Variants in NKAIN2 observed in about 807,000 individuals in gnomAD.
NKAIN2 encodes sodium/potassium transporting ATPase interacting 2, also known as sodium/potassium-transporting ATPase subunit beta-1-interacting protein 2.
Under a neutral mutation model 32.6 loss-of-function variants are expected in NKAIN2, and 14 were observed. The ratio of observed to expected loss-of-function variants is 0.43; its 90% confidence interval spans 0.28 to 0.67. NKAIN2 has a LOEUF of 0.67. Ranked by LOEUF, NKAIN2 falls within the 30% of genes least tolerant of loss-of-function variation. The pLI, the probability that NKAIN2 is intolerant of heterozygous loss-of-function variation, is 0.17. For missense variants in NKAIN2, 198 were observed against 258.3 expected, an observed-to-expected ratio of 0.77 and a Z score of 1.60; for synonymous variants, 80 against 87.2, an observed-to-expected ratio of 0.92 and a Z score of 0.46.
At chr6:124,708,711 T>C (rs1485072882) in intron 4 of NKAIN2, among the ~76,000 whole-genome samples, 1 of 152,126 alleles carries the variant, frequency 6.6e-6, no homozygotes, top group South Asian at 2.1e-4. Context: ...TTTGCTGAAG[T>C]TGCTTATCAG....
chr6:124,535,893 T>G (rs1779693303), intron 3 of NKAIN2, among the ~76,000 whole-genome samples: 1 of 152,184 alleles, frequency 6.6e-6, no homozygotes, highest in African/African-American at 2.4e-5. Context: ...ACTGCTTCCC[T>G]CAGGCGTGAA....
At chr6:123,939,918 C>T (rs1230352827) in intron 1 of NKAIN2, among the ~76,000 whole-genome samples, 1 of 151,896 alleles carries the variant, frequency 6.6e-6, no homozygotes, top group Non-Finnish European at 1.5e-5. Flanking sequence ...TTTTATTCAA[C>T]CATTTGCAAG....
At chr6:124,761,393 T>A (rs1778259833) in intron 4 of NKAIN2, among the ~76,000 whole-genome samples, 1 of 152,154 alleles carries the variant, frequency 6.6e-6, no homozygotes, top group Admixed American at 6.5e-5. Context: ...TCCTTTTAAC[T>A]TCTTATTATC....
intron 1 of NKAIN2, among the ~76,000 whole-genome samples, chr6:123,854,436 G>C (rs1464016954): frequency 6.6e-6 from 1 of 152,096 alleles, no homozygotes; most frequent in Non-Finnish European, 1.5e-5. Flanking sequence ...ATGTCACCAC[G>C]ATAATGTTTG....
At chr6:124,287,534 G>A (rs1326309948) in intron 2 of NKAIN2, among the ~76,000 whole-genome samples, 1 of 152,148 alleles carries the variant, frequency 6.6e-6, no homozygotes, top group African/African-American at 2.4e-5. Flanking sequence ...CTGTCACTTT[G>A]CAGAATATAG....
At chr6:124,201,812 A>G (rs898404631) in intron 1 of NKAIN2, among the ~76,000 whole-genome samples, 1 of 151,988 alleles carries the variant, frequency 6.6e-6, no homozygotes, top group Non-Finnish European at 1.5e-5. Context: ...TGATTATGAA[A>G]ATGTTCTCAC....
chr6:123,918,528 T>G (rs918929287), intron 1 of NKAIN2, among the ~76,000 whole-genome samples: 1 of 152,196 alleles, frequency 6.6e-6, no homozygotes, highest in Non-Finnish European at 1.5e-5. Context: ...TGGTGGCTAC[T>G]GTGTTGGTTA....
At chr6:124,111,711 G>A (rs1167251911) in intron 1 of NKAIN2, among the ~76,000 whole-genome samples, 2 of 151,732 alleles carry the variant, frequency 1.3e-5, no homozygotes, top group East Asian at 3.9e-4. Context: ...TTTGTTAGTT[G>A]TTTCTTATTA....
intron 3 of NKAIN2, among the ~76,000 whole-genome samples, chr6:124,378,336 A>G (rs1276395542): frequency 6.6e-6 from 1 of 152,138 alleles, no homozygotes; most frequent in African/African-American, 2.4e-5. Context: ...CAGGGTGTGA[A>G]GAGTCTCATC....
intron 1 of NKAIN2, among the ~76,000 whole-genome samples, chr6:124,018,802 A>G (rs886225986): frequency 6.6e-6 from 1 of 151,820 alleles, no homozygotes; most frequent in Non-Finnish European, 1.5e-5. Flanking sequence ...AACTGTTCCA[A>G]CCTCTGCCTG....
At chr6:124,552,218 T>A (rs972045285) in intron 3 of NKAIN2, among the ~76,000 whole-genome samples, 1 of 152,202 alleles carries the variant, frequency 6.6e-6, no homozygotes, top group Non-Finnish European at 1.5e-5. Context: ...TCCAACTAAA[T>A]TGTATACAAA....
intron 1 of NKAIN2, among the ~76,000 whole-genome samples, chr6:123,988,859 T>C (rs1253582165): frequency 6.7e-6 from 1 of 148,768 alleles, no homozygotes. Context: ...TTGCTGTAGA[T>C]ATTTGAACCT....
At chr6:124,240,694 A>G (rs1582907082) in intron 1 of NKAIN2, among the ~76,000 whole-genome samples, 1 of 152,030 alleles carries the variant, frequency 6.6e-6, no homozygotes, top group East Asian at 1.9e-4. Flanking sequence ...AAAATTAAAC[A>G]CCCCTTCATG....
chr6:123,834,807 T>G (rs1232036510), intron 1 of NKAIN2, among the ~76,000 whole-genome samples: 1 of 152,222 alleles, frequency 6.6e-6, no homozygotes, highest in African/African-American at 2.4e-5. Context: ...GCTTTTTTTT[T>G]GCGTGTACTG....
In NKAIN2 at chr6:123,957,236, T is replaced by G. The variant is rs553619230; in HGVS notation, c.54+152982T>G. 8.7e-4 allele frequency among the ~76,000 whole-genome samples: 132 copies of G among 152,300 alleles called. 1 individual carries two copies. The highest frequency in any genetic ancestry group is 3.4e-3 in the Middle Eastern group (1 of 294). On this transcript the variant is annotated intron_variant, in intron 1 of 6. Transcript: ENST00000368417. ...AATATTTTCAGCCTATAGAAAAATA[T>G]TGTTAGTTAAAACACCTCACTGATA...
chr6:123,910,535 C>T (rs9490998), intron 1 of NKAIN2, among the ~76,000 whole-genome samples: 21,753 of 115,330 alleles, frequency 0.19, 1,886 homozygotes, highest in Admixed American at 0.23. Flanking sequence ...GATGGGGTCT[C>T]GCTCTTTCAC....
intron 3 of NKAIN2, among the ~76,000 whole-genome samples, chr6:124,550,818 A>G (rs1039717221): frequency 1.3e-5 from 2 of 152,150 alleles, no homozygotes; most frequent in African/African-American, 4.8e-5. Context: ...CTCAGATTCA[A>G]ATAGATTTTG....
At chr6:123,895,804 G>T (rs576784745) in intron 1 of NKAIN2, among the ~76,000 whole-genome samples, 1 of 152,322 alleles carries the variant, frequency 6.6e-6, no homozygotes, top group South Asian at 2.1e-4. Flanking sequence ...GCATAAGAAA[G>T]TTATGTTAGC....
chr6:124,389,702 T>C (rs570896044), intron 3 of NKAIN2, among the ~76,000 whole-genome samples: 1 of 139,724 alleles, frequency 7.2e-6, no homozygotes, highest in Non-Finnish European at 1.5e-5. Context: ...CCTTTCCTCA[T>C]CTCTGTGTAC....
Sources: allele counts gnomAD v4.1 joint callset (sites outside exome capture counted in the v4.1 genomes callset), GRCh38; gene constraint gnomAD v4.1.1; transcripts MANE v1.5; gene names NCBI Gene and HGNC (gene_info 2026-07-23, HGNC 2026-07-21).